The following PTPRM variants were observed in gnomAD, a reference collection of about 807,000 sequenced individuals.
PTPRM encodes the protein protein tyrosine phosphatase receptor type M.
In PTPRM, 47 loss-of-function variants were observed where a neutral mutation model predicts 186.7. The ratio of observed to expected loss-of-function variants is 0.25; its 90% CI spans 0.20 to 0.32. The LOEUF (loss-of-function observed/expected upper bound fraction) is 0.32. Ranked by LOEUF, PTPRM falls within the 10% of genes least tolerant of loss-of-function variation. The pLI, the probability that PTPRM is intolerant of heterozygous loss-of-function variation, is 1.00. For missense variants in PTPRM, 1,494 were observed against 1,865.0 expected (o/e 0.80, Z 3.66); for synonymous variants, 668 against 674.9 (o/e 0.99, Z 0.16).
At chr18:7,659,039 C>T (rs1261909011) in intron 1 of PTPRM, among the ~76,000 whole-genome samples, 3 of 151,882 alleles carry the variant, frequency 2.0e-5, no homozygotes, top group African/African-American at 7.3e-5. Flanking sequence ...GGTCTTCAGT[C>T]AAATTGTCCC....
rs560297021 is a variant in PTPRM, at chr18:8,143,659, C to A, written c.2180C>A (p.Pro727Gln). ...CTTTCATCTTCAGGAGCTGCCACTC[C>A]GAAACCAGTCCCAGAACCCGAGAAA... is the stretch of plus-strand genomic sequence containing the variant. ...VQVATKGAAT[P>Q]KPVPEPEKQT... is the part of the protein sequence containing the mutation. Residue 727 changes from proline to glutamine, a missense_variant, in exon 14 of 33, where the codon CCG becomes CAG. Transcript: ENST00000580170. 6.2e-7 allele frequency: 1 copy of A among 1,600,414 alleles called. No individual in the cohort carries two copies. The highest frequency in any genetic ancestry group is 1.7e-5 in the Admixed American group (1 of 60,000).
chr18:8,216,189 T>C (rs1458345016), intron 14 of PTPRM, among the ~76,000 whole-genome samples: 1 of 152,188 alleles, frequency 6.6e-6, no homozygotes, highest in East Asian at 1.9e-4. Flanking sequence ...CCCGGTTCTC[T>C]CTCTCTCTTT....
intron 11 of PTPRM, 32 bp downstream of exon 11, chr18:8,088,883 T>G: frequency 6.7e-7 from 1 of 1,501,942 alleles, no homozygotes; most frequent in South Asian, 1.1e-5. Flanking sequence ...CGGCTCTAGA[T>G]AGAAGAAAAC....
chr18:7,574,508 ATT>A (rs1249354618), intron 1 of PTPRM, among the ~76,000 whole-genome samples: 6 of 152,220 alleles, frequency 3.9e-5, no homozygotes, highest in Non-Finnish European at 8.8e-5. Context: ...GAGCACTTAC[ATT>A]TGTACGGCCC....
intron 11 of PTPRM, among the ~76,000 whole-genome samples, chr18:8,099,598 G>A (rs1382661299): frequency 4.6e-5 from 7 of 152,202 alleles, no homozygotes; most frequent in East Asian, 1.9e-4. Context: ...ACAGATTACC[G>A]TGGATGGATG....
chr18:8,000,361 A>C (rs1261609701), intron 7 of PTPRM, among the ~76,000 whole-genome samples: 1 of 152,214 alleles, frequency 6.6e-6, no homozygotes, highest in Non-Finnish European at 1.5e-5. Context: ...TTAAGGTGGC[A>C]TGTGTCTGTT....
At position 8,374,013 on chromosome 18, in the gene PTPRM, C is replaced by G. The variant is rs145539537; in HGVS notation, c.3172-2033C>G. On this transcript the variant is annotated intron_variant, in intron 24 of 32. Coordinates refer to ENST00000580170, the MANE Select transcript of PTPRM (RefSeq NM_001105244.2). ...TTTGGGCTGTGATAACTGATGACAT[C>G]TATGATGTTCTTCCCCAAATGTATT... Among the ~76,000 whole-genome samples, 288 of 152,196 alleles carry G rather than the reference C, an allele frequency of 1.9e-3. 1 individual carries two copies. Among genetic ancestry groups the G allele is most frequent in the Non-Finnish European group, 3.5e-3 (236 of 68,002 alleles).
At chr18:8,146,511 T>TC (rs2092891061) in intron 14 of PTPRM, among the ~76,000 whole-genome samples, 6 of 151,802 alleles carry the variant, frequency 4.0e-5, no homozygotes, top group South Asian at 2.1e-4. Flanking sequence ...GTTTTTTTTT[T>TC]CTTGTAAATT....
intron 11 of PTPRM, among the ~76,000 whole-genome samples, chr18:8,101,219 A>T (rs2145542229): frequency 6.6e-6 from 1 of 152,340 alleles, no homozygotes; most frequent in South Asian, 2.1e-4. Context: ...TTATTTGCCA[A>T]GATTTATGTC....
intron 1 of PTPRM, among the ~76,000 whole-genome samples, chr18:7,653,295 C>T (rs1233819765): frequency 6.6e-6 from 1 of 151,942 alleles, no homozygotes; most frequent in Non-Finnish European, 1.5e-5. Context: ...CACAGGCATG[C>T]ACCACCACAC....
Position 8,379,868 on chromosome 18 carries a change from T to TA in PTPRM, c.3787-419dup, listed in dbSNP as rs113450732. 5.1e-3 allele frequency among the ~76,000 whole-genome samples: 778 copies of TA among 151,522 alleles called. 4 individuals are homozygous for TA. Among genetic ancestry groups the TA allele is most frequent in the African/African-American group, 0.018 (729 of 41,338 alleles). On this transcript the variant is annotated intron_variant, in intron 28 of 32. Transcript: ENST00000580170. The stretch of plus-strand genomic sequence containing the variant: ...ACTTTTTTGAAGCTCTTCAGAGCTG[T>TA]AAAAAAAAAGTACATGTATTCTTTA...
rs1343046990 is a variant in PTPRM, at chr18:8,312,911, G to A, written c.2843-1870G>A. On this transcript the variant is annotated intron_variant, in intron 20 of 32. Coordinates refer to ENST00000580170, the MANE Select transcript of PTPRM (RefSeq NM_001105244.2). ...TACCTGTCATGAAGTGGAAAGCCCC[G>A]TCAAGGAAGGAAAGTTAGAAAATTG... Among the ~76,000 whole-genome samples, 4 of 152,268 alleles carry A rather than the reference G, an allele frequency of 2.6e-5. No individual in the cohort carries two copies. In the South Asian group the frequency reaches 6.2e-4, roughly 24 times the overall value.
chr18:8,360,332 G>T (rs2095589321), intron 23 of PTPRM, among the ~76,000 whole-genome samples: 1 of 152,164 alleles, frequency 6.6e-6, no homozygotes, highest in Non-Finnish European at 1.5e-5. Flanking sequence ...CCTGTCTGTA[G>T]GACCAGGTTT....
chr18:8,337,016 G>C (rs887764941), intron 22 of PTPRM, among the ~76,000 whole-genome samples: 2 of 152,018 alleles, frequency 1.3e-5, no homozygotes, highest in Non-Finnish European at 1.5e-5. Context: ...GAAAAGAAAA[G>C]AGAAAAGAAG....
chr18:7,721,568 TAC>T (rs1180986053), intron 1 of PTPRM, among the ~76,000 whole-genome samples: 9 of 152,184 alleles, frequency 5.9e-5, no homozygotes, highest in Non-Finnish European at 1.3e-4. Flanking sequence ...TGATGAGTGA[TAC>T]AGTTTCACCT....
chr18:8,170,713 C>G (rs1313496001), intron 14 of PTPRM, among the ~76,000 whole-genome samples: 1 of 152,136 alleles, frequency 6.6e-6, no homozygotes, highest in Non-Finnish European at 1.5e-5. Context: ...CTGAGCCAGT[C>G]CAGGCACTTT....
intron 23 of PTPRM, among the ~76,000 whole-genome samples, chr18:8,369,194 G>C (rs556928899): frequency 1.3e-5 from 2 of 152,290 alleles, no homozygotes; most frequent in South Asian, 4.1e-4. Flanking sequence ...ATAGAAAAGA[G>C]AGCTATAAAA....
chr18:7,939,626 C>A lies in PTPRM; in HGVS notation c.664-9555C>A, dbSNP rs559800181. Among the ~76,000 whole-genome samples the A allele has an allele frequency of 1.2e-3, 182 of 152,304 alleles. 2 individuals are homozygous for A. The highest frequency in any genetic ancestry group is 2.9e-4 in the Non-Finnish European group (20 of 68,024). Reference sequence around the variant, plus strand: ...TCAGATATCTCCTCTCAGGCATCATCATTATGGTTATTTCACTAAGTGGAC... The same window carrying A: ...TCAGATATCTCCTCTCAGGCATCATAATTATGGTTATTTCACTAAGTGGAC... On this transcript the variant is annotated intron_variant, in intron 5 of 32. Coordinates refer to ENST00000580170, the MANE Select transcript of PTPRM (RefSeq NM_001105244.2).
At position 8,045,363 on chromosome 18, in the gene PTPRM, C is replaced by T. The variant is rs979543551; in HGVS notation, c.1133-24323C>T. ...ACTGTCTCAAAACAAAACTTAAACA[C>T]GAATGTTCACAGCAACATTTGTCAT... On this transcript the variant is annotated intron_variant, in intron 7 of 32. Coordinates refer to ENST00000580170, the MANE Select transcript of PTPRM (RefSeq NM_001105244.2). 5.3e-5 allele frequency among the ~76,000 whole-genome samples: 8 copies of T among 152,086 alleles called. No homozygotes were observed. The South Asian group carries it at 1.5e-3, about 28-fold the overall frequency.
Sources: allele counts gnomAD v4.1 joint callset (sites outside exome capture counted in the v4.1 genomes callset), GRCh38; gene constraint gnomAD v4.1.1; transcripts MANE v1.5; gene names NCBI Gene and HGNC (gene_info 2026-07-23, HGNC 2026-07-21).